ADCY5: variants seen among roughly 807,000 people sequenced by gnomAD.
ADCY5 encodes adenylate cyclase 5.
In ADCY5, 30 loss-of-function variants were observed where a neutral mutation model predicts 119.7. That is an observed-to-expected ratio of 0.25 (90% CI 0.19 to 0.34). The LOEUF (loss-of-function observed/expected upper bound fraction) is 0.34, where lower values mean the gene tolerates loss of function less well. ADCY5 is among the 10% of genes least tolerant of loss of function. The pLI, the probability that ADCY5 is intolerant of heterozygous loss-of-function variation, is 1.00. For missense variants in ADCY5, 1,324 were observed against 1,775.2 expected, an observed-to-expected ratio of 0.75 and a Z score of 4.57; for synonymous variants, 753 against 762.2, an observed-to-expected ratio of 0.99 and a Z score of 0.20.
At chr3:123,354,043 C>T (rs990058745) in intron 1 of ADCY5, among the ~76,000 whole-genome samples, 1 of 152,196 alleles carries the variant, frequency 6.6e-6, no homozygotes, top group African/African-American at 2.4e-5. Flanking sequence ...CTGACTCAGA[C>T]GACTACTGTT....
chr3:123,398,428 T>C (rs1944664377), intron 1 of ADCY5, among the ~76,000 whole-genome samples: 1 of 152,042 alleles, frequency 6.6e-6, no homozygotes, highest in African/African-American at 2.4e-5. Flanking sequence ...TTCTCTGCCG[T>C]TTTGCAAGGA....
intron 2 of ADCY5, among the ~76,000 whole-genome samples, chr3:123,350,317 C>T (rs1942777906): frequency 6.6e-6 from 1 of 152,202 alleles, no homozygotes; most frequent in Non-Finnish European, 1.5e-5. Flanking sequence ...GAGCCTTATG[C>T]TCGAGAAGCT....
At chr3:123,393,158 G>A (rs926383909) in intron 1 of ADCY5, among the ~76,000 whole-genome samples, 4 of 152,192 alleles carry the variant, frequency 2.6e-5, no homozygotes, top group Non-Finnish European at 2.9e-5. Context: ...AGAGCCCGGG[G>A]TCGAGAGTGA....
At chr3:123,369,250 G>A (rs1439170895) in intron 1 of ADCY5, among the ~76,000 whole-genome samples, 2 of 152,156 alleles carry the variant, frequency 1.3e-5, no homozygotes, top group African/African-American at 4.8e-5. Context: ...GAACAAGAAG[G>A]CCCTCGCTAG....
intron 3 of ADCY5, among the ~76,000 whole-genome samples, chr3:123,336,734 G>A (rs1355703955): frequency 6.6e-6 from 1 of 152,180 alleles, no homozygotes; most frequent in Non-Finnish European, 1.5e-5. Context: ...ACTCAGGTGG[G>A]CCAGGCCTCT....
At chr3:123,397,912 C>T (rs1944648302) in intron 1 of ADCY5, among the ~76,000 whole-genome samples, 1 of 152,104 alleles carries the variant, frequency 6.6e-6, no homozygotes, top group South Asian at 2.1e-4. Context: ...GGTGTAGACA[C>T]AGCACAGAGG....
intron 17 of ADCY5, among the ~76,000 whole-genome samples, chr3:123,295,678 C>T (rs1160106716): frequency 6.6e-6 from 1 of 152,216 alleles, no homozygotes; most frequent in Non-Finnish European, 1.5e-5. Flanking sequence ...CCTCCACTCA[C>T]CTCTTGCCAC....
At chr3:123,398,992 A>T (rs2107604750) in intron 1 of ADCY5, among the ~76,000 whole-genome samples, 1 of 152,320 alleles carries the variant, frequency 6.6e-6, no homozygotes, top group Non-Finnish European at 1.5e-5. Flanking sequence ...AGGGCCGGCC[A>T]TCCAGCTATC....
At chr3:123,299,518 T>C (rs1467183225) in intron 15 of ADCY5, among the ~76,000 whole-genome samples, 2 of 152,200 alleles carry the variant, frequency 1.3e-5, no homozygotes, top group African/African-American at 4.8e-5. Context: ...TTGGAAATCT[T>C]ACATCTGTCA....
At chr3:123,365,332 T>C (rs1943394066) in intron 1 of ADCY5, among the ~76,000 whole-genome samples, 1 of 152,132 alleles carries the variant, frequency 6.6e-6, no homozygotes, top group African/African-American at 2.4e-5. Flanking sequence ...AAAAGGGAAA[T>C]GTGATCACAG....
chr3:123,373,925 A>G (rs907784083), intron 1 of ADCY5, among the ~76,000 whole-genome samples: 1 of 152,112 alleles, frequency 6.6e-6, no homozygotes, highest in African/African-American at 2.4e-5. Context: ...GCTTCCGCAT[A>G]TTCGATGGAG....
intron 10 of ADCY5, among the ~76,000 whole-genome samples, chr3:123,319,026 C>T (rs1941073695): frequency 6.6e-6 from 1 of 152,186 alleles, no homozygotes; most frequent in Admixed American, 6.5e-5. Context: ...AACTAATATG[C>T]ACCGAACGCC....
intron 1 of ADCY5, among the ~76,000 whole-genome samples, chr3:123,421,823 G>A (rs970283666): frequency 5.3e-5 from 8 of 152,134 alleles, no homozygotes; most frequent in African/African-American, 1.9e-4. Flanking sequence ...TTATTCAATG[G>A]GGGAGGACTG....
chr3:123,397,462 C>T (rs1179029579), intron 1 of ADCY5, among the ~76,000 whole-genome samples: 1 of 151,018 alleles, frequency 6.6e-6, no homozygotes, highest in Non-Finnish European at 1.5e-5. Context: ...AAAATCAAGA[C>T]TCTGTCTCTA....
intron 1 of ADCY5, among the ~76,000 whole-genome samples, chr3:123,364,341 G>C (rs1175027028): frequency 6.6e-6 from 1 of 152,132 alleles, no homozygotes; most frequent in African/African-American, 2.4e-5. Flanking sequence ...AAACCAGAGA[G>C]AATAAGTCAA....
intron 2 of ADCY5, 39 bp from the exon 3 acceptor site, chr3:123,347,942 T>A: frequency 1.2e-6 from 2 of 1,610,238 alleles, no homozygotes; most frequent in Non-Finnish European, 1.7e-6. Context: ...CCACGCCTTC[T>A]ACCTGCCTGG....
At chr3:123,318,507 T>C (rs139352193) in intron 10 of ADCY5, among the ~76,000 whole-genome samples, 2 of 152,112 alleles carry the variant, frequency 1.3e-5, no homozygotes, top group African/African-American at 4.8e-5. Context: ...CATTTCTTCT[T>C]CAGAGATGAG....
chr3:123,394,990 T>C (rs1053398284), intron 1 of ADCY5, among the ~76,000 whole-genome samples: 1 of 152,240 alleles, frequency 6.6e-6, no homozygotes, highest in African/African-American at 2.4e-5. Flanking sequence ...TCAAGGGTTC[T>C]GAAGAGAAGG....
chr3:123,330,848 G>A, intron 5 of ADCY5, 41 bp downstream of exon 5: 1 of 1,583,032 alleles, frequency 6.3e-7, no homozygotes, highest in Non-Finnish European at 8.6e-7. Flanking sequence ...GCTGTGGACA[G>A]TCCCAGGGAG....
Sources: gnomAD v4.1 joint callset for allele counts (sites outside exome capture counted in the v4.1 genomes callset) on GRCh38, gnomAD v4.1.1 for gene constraint, MANE v1.5 for transcripts, NCBI Gene and HGNC (gene_info 2026-07-23, HGNC 2026-07-21) for gene names.